The following CALD1 variants were observed in gnomAD, a reference collection of about 807,000 sequenced individuals.
CALD1 encodes the protein caldesmon 1.
Under a neutral mutation model 99.9 loss-of-function variants are expected in CALD1, and 33 were observed. That is an observed-to-expected ratio of 0.33 (90% CI 0.25 to 0.44). The LOEUF is 0.44. Among genes scored for constraint, CALD1 ranks in the 20% least tolerant of loss-of-function variants. The pLI, the probability that CALD1 is intolerant of heterozygous loss-of-function variation, is 1.00. For synonymous variants in CALD1, 310 were observed against 325.0 expected (o/e 0.95, Z 0.50); for missense variants, 861 against 962.1 (o/e 0.89, Z 1.39).
chr7:134,888,143 A>C (rs1260663437), intron 3 of CALD1, among the ~76,000 whole-genome samples: 1 of 152,176 alleles, frequency 6.6e-6, no homozygotes, highest in Non-Finnish European at 1.5e-5. Flanking sequence ...ACCTCCCTCA[A>C]ACCTTCCCAG....
chr7:134,795,924 C>T (rs1360842954), intron 1 of CALD1, among the ~76,000 whole-genome samples: 1 of 152,190 alleles, frequency 6.6e-6, no homozygotes, highest in Admixed American at 6.5e-5. Flanking sequence ...CACTGACCCA[C>T]CTGTGTCTGA....
At chr7:134,897,583 G>A (rs1802669234) in intron 3 of CALD1, among the ~76,000 whole-genome samples, 2 of 152,070 alleles carry the variant, frequency 1.3e-5, no homozygotes, top group East Asian at 3.9e-4. Context: ...CATGACCTTG[G>A]TATCTCTGGT....
At chr7:134,786,619 C>T (rs761144123) in intron 1 of CALD1, among the ~76,000 whole-genome samples, 1 of 151,822 alleles carries the variant, frequency 6.6e-6, no homozygotes, top group African/African-American at 2.4e-5. Context: ...TCGTATATAC[C>T]CAGTGCGTGG....
intron 7 of CALD1, chr7:134,944,479 A>T: frequency 6.6e-6 from 1 of 150,948 alleles, no homozygotes; most frequent in African/African-American, 2.4e-5. Context: ...GTTCTGGAGG[A>T]CACAGGATAT....
chr7:134,727,844 G>T, the CALD1 span, among the ~76,000 whole-genome samples: 1 of 152,208 alleles, frequency 6.6e-6, no homozygotes, highest in Non-Finnish European at 1.5e-5. Context: ...TTTTGGGTTG[G>T]TCTGTTGGGA....
Position 134,933,647 on chromosome 7 carries a change from C to A in CALD1, c.878C>A (p.Ala293Glu). The A allele has an allele frequency of 6.2e-7, 1 of 1,606,204 alleles. No individual in the cohort carries two copies. Among genetic ancestry groups the A allele is most frequent in the Non-Finnish European group, 8.5e-7 (1 of 1,176,132 alleles). Residue 293 changes from alanine (A) to glutamate (E), a missense_variant, in exon 5 of 15, where the codon GCA becomes GAA. Around this residue, in one of 5 missense-constraint regions of CALD1, gnomAD observed 234 missense variants for 233.1 expected, o/e 1.00. Transcript: ENST00000361675. The part of the protein sequence containing the change: ...EQDKKIADER[A>E]RIEAEEKAAA... The stretch of plus-strand genomic sequence containing the variant: ...GACAAAAAGATAGCAGATGAACGAG[C>A]AAGAATTGAAGCAGAAGAAAAAGCA...
rs368553993 is a variant in CALD1 at position 134,786,389 on chromosome 7, A to T, written c.-130+6640A>T. ...TTTTATTAATGAGTGGACTTAAAAC[A>T]TATAATTATATTATGTGTGGGAAGG... On this transcript the variant is annotated intron_variant, in intron 1 of 14. Transcript: ENST00000361675. Among the ~76,000 whole-genome samples the T allele has an allele frequency of 3.9e-5, 6 of 152,240 alleles. No individual in the cohort carries two copies. In the East Asian group the frequency reaches 7.7e-4, roughly 20 times the overall value.
At chr7:134,737,361 T>C in the CALD1 span, among the ~76,000 whole-genome samples, 1 of 152,044 alleles carries the variant, frequency 6.6e-6, no homozygotes, top group South Asian at 2.1e-4. Context: ...ACTCCTGAGC[T>C]CAAGAAATCC....
intron 11 of CALD1, 48 bp downstream of exon 11, chr7:134,958,338 C>T (rs1563133446): frequency 1.4e-6 from 2 of 1,412,566 alleles, no homozygotes; most frequent in East Asian, 2.3e-5. Context: ...GAAATAGATT[C>T]TGACTACATA....
chr7:134,890,408 C>T (rs1407117578), intron 3 of CALD1, among the ~76,000 whole-genome samples: 1 of 152,148 alleles, frequency 6.6e-6, no homozygotes, highest in Admixed American at 6.5e-5. Context: ...TGACATGAAG[C>T]CGCAGATCTC....
intron 1 of CALD1, among the ~76,000 whole-genome samples, chr7:134,821,276 T>C (rs1563023859): frequency 7.6e-6 from 1 of 131,306 alleles, no homozygotes; most frequent in Non-Finnish European, 1.7e-5. Context: ...GCCCAGTCTT[T>C]TAGTTTTTTT....
chr7:134,815,776 A>G (rs986893859), intron 1 of CALD1, among the ~76,000 whole-genome samples: 2 of 152,212 alleles, frequency 1.3e-5, no homozygotes, highest in African/African-American at 2.4e-5. Context: ...GAAAATATAG[A>G]CAGAATACTT....
intron 4 of CALD1, among the ~76,000 whole-genome samples, chr7:134,932,273 T>C (rs1400802414): frequency 6.6e-6 from 1 of 152,110 alleles, no homozygotes; most frequent in Non-Finnish European, 1.5e-5. Context: ...TCTCTTCCAT[T>C]GGGGTCACTG....
rs139408598 is a variant in CALD1 at position 134,784,180 on chromosome 7, C to T, written c.-130+4431C>T. Among the ~76,000 whole-genome samples, 954 of 152,224 alleles carry T rather than the reference C, an allele frequency of 6.3e-3. 10 individuals are homozygous for T. Among genetic ancestry groups the T allele is most frequent in the African/African-American group, 0.022 (922 of 41,532 alleles). On this transcript the variant is annotated intron_variant, in intron 1 of 14. Transcript: ENST00000361675. ...AAGATAAATTGCTTTTTGATGGTAT[C>T]CTGAGGCTTCTGGCATTGTTTTGTG... is the stretch of plus-strand genomic sequence containing the variant.
chr7:134,862,319 A>T (rs1220703558), intron 2 of CALD1, among the ~76,000 whole-genome samples: 1 of 152,190 alleles, frequency 6.6e-6, no homozygotes, highest in Non-Finnish European at 1.5e-5. Flanking sequence ...ATTCCATAAA[A>T]TGGGGATTAT....
chr7:134,786,945 T>C (rs1383580505), intron 1 of CALD1, among the ~76,000 whole-genome samples: 1 of 152,220 alleles, frequency 6.6e-6, no homozygotes, highest in African/African-American at 2.4e-5. Flanking sequence ...CTAGAGATTC[T>C]GATTCGGTAG....
intron 3 of CALD1, among the ~76,000 whole-genome samples, chr7:134,927,395 T>C (rs891369815): frequency 6.7e-6 from 1 of 149,678 alleles, no homozygotes; most frequent in African/African-American, 2.5e-5. Context: ...AAAAAAAAAA[T>C]ACAAAAGTTA....
chr7:134,721,118 G>A, the CALD1 span, among the ~76,000 whole-genome samples: 1 of 152,178 alleles, frequency 6.6e-6, no homozygotes, highest in Non-Finnish European at 1.5e-5. Flanking sequence ...CGCTGGAACA[G>A]GAGGCTCTGT....
intron 3 of CALD1, among the ~76,000 whole-genome samples, chr7:134,873,461 C>G (rs758464938): frequency 3.3e-5 from 5 of 152,210 alleles, no homozygotes; most frequent in African/African-American, 1.2e-4. Context: ...TACTTCTGGC[C>G]AGGAAAGAGG....
Sources: allele counts gnomAD v4.1 joint callset (sites outside exome capture counted in the v4.1 genomes callset), GRCh38; gene constraint gnomAD v4.1.1; regional missense constraint gnomAD v4.1.1; transcripts MANE v1.5; gene names NCBI Gene and HGNC (gene_info 2026-07-23, HGNC 2026-07-21).